Variants in RBPJ observed in about 807,000 individuals in gnomAD.
RBPJ encodes recombining binding protein suppressor of hairless.
A neutral mutation model predicts 67.8 loss-of-function variants in RBPJ; 9 were observed. That is an observed-to-expected ratio of 0.13 (90% CI 0.08 to 0.23). RBPJ has a LOEUF of 0.23. Among genes scored for constraint, RBPJ ranks in the 10% least tolerant of loss-of-function variants. The pLI, the probability that RBPJ is intolerant of heterozygous loss-of-function variation, is 1.00. For missense variants in RBPJ, 305 were observed against 595.6 expected (o/e 0.51, Z 5.08); for synonymous variants, 198 against 203.3 (o/e 0.97, Z 0.22).
chr4:26,112,400 T>A, the RBPJ span: 1 of 155,850 alleles, frequency 6.4e-6, no homozygotes, highest in Admixed American at 6.5e-5. Flanking sequence ...GTATTAGGCT[T>A]GAGAAAATTC....
intron 1 of RBPJ, among the ~76,000 whole-genome samples, chr4:26,228,935 C>T (rs1218519913): frequency 1.3e-5 from 2 of 152,182 alleles, no homozygotes; most frequent in African/African-American, 4.8e-5. Context: ...TTTCCCACCT[C>T]CATTTACTCA....
At chr4:26,167,034 G>A (rs904579145) in intron 1 of RBPJ, among the ~76,000 whole-genome samples, 2 of 152,126 alleles carry the variant, frequency 1.3e-5, no homozygotes, top group African/African-American at 4.8e-5. Context: ...GTAGATATGT[G>A]GCATTATTTC....
chr4:26,308,418 TAA>T (rs942962840), intron 1 of RBPJ, among the ~76,000 whole-genome samples: 28 of 152,360 alleles, frequency 1.8e-4, no homozygotes, highest in Admixed American at 4.6e-4. Flanking sequence ...GAAATTACCT[TAA>T]GAGACTTTTT....
chr4:26,208,409 G>T (rs540650180), intron 1 of RBPJ, among the ~76,000 whole-genome samples: 3 of 152,172 alleles, frequency 2.0e-5, no homozygotes, highest in Non-Finnish European at 2.9e-5. Context: ...TAGTGCAGAA[G>T]AGAAGGCTGA....
At chr4:26,420,751 C>T (rs1421386346) in intron 5 of RBPJ, 26 bp downstream of exon 5, 12 of 1,534,680 alleles carry the variant, frequency 7.8e-6, no homozygotes, top group South Asian at 1.3e-5. Flanking sequence ...TTATTTATCC[C>T]CAACTGCCAC....
chr4:26,244,349 GTA>G lies in RBPJ; in HGVS notation c.-167+80743_-167+80744del, dbSNP rs80301363. ...TACACATATGTGTACACATATGTGT[GTA>G]TATATATGTATGCACATATGTGTAC... On this transcript the variant is annotated intron_variant, in intron 1 of 4. Transcript: ENST00000512351. Among the ~76,000 whole-genome samples, 41 of 6,424 alleles carry G rather than the reference GTA, an allele frequency of 6.4e-3. 4 individuals are homozygous for G. Among genetic ancestry groups the G allele is most frequent in the African/African-American group, 0.018 (24 of 1,312 alleles). The allele number at this position is 6,424 out of a possible 152,430, so 4.2% of individuals were successfully genotyped here. A position where few individuals can be genotyped will look rare whatever the true frequency, so the allele number is the denominator to read the frequency against.
chr4:26,316,503 A>G (rs941497888), upstream of RBPJ, among the ~76,000 whole-genome samples: 8 of 55,350 alleles, frequency 1.4e-4, no homozygotes, highest in South Asian at 4.8e-3. Flanking sequence ...ATATATTCAT[A>G]TATATTCATA....
At chr4:26,260,827 C>T (rs1265008601) in intron 1 of RBPJ, among the ~76,000 whole-genome samples, 1 of 152,138 alleles carries the variant, frequency 6.6e-6, no homozygotes, top group Admixed American at 6.5e-5. Flanking sequence ...AAGCCTCCTT[C>T]CTCTGAACTC....
intron 1 of RBPJ, among the ~76,000 whole-genome samples, chr4:26,191,200 T>TAG (rs1717512048): frequency 1.3e-4 from 4 of 31,340 alleles, no homozygotes; most frequent in Non-Finnish European, 1.7e-4. Flanking sequence ...TATATATATA[T>TAG]ATATATATAT....
chr4:26,265,401 C>T (rs1720671626), intron 1 of RBPJ, among the ~76,000 whole-genome samples: 1 of 151,590 alleles, frequency 6.6e-6, no homozygotes, highest in Admixed American at 6.6e-5. Context: ...TGGTAGTGGG[C>T]ATCTGTAATC....
intron 1 of RBPJ, among the ~76,000 whole-genome samples, chr4:26,225,859 A>C (rs1577492470): frequency 6.6e-6 from 1 of 152,248 alleles, no homozygotes. Context: ...GGGAAAAAAA[A>C]GGAATAGGCC....
intron 1 of RBPJ, among the ~76,000 whole-genome samples, chr4:26,218,891 T>C (rs576316395): frequency 3.3e-5 from 5 of 152,168 alleles, no homozygotes; most frequent in African/African-American, 1.2e-4. Flanking sequence ...AGAAATTGAT[T>C]ACCCTGCCTC....
the RBPJ span, among the ~76,000 whole-genome samples, chr4:26,122,902 G>T: frequency 4.5e-4 from 68 of 152,288 alleles, no homozygotes; most frequent in African/African-American, 1.6e-3. Context: ...AAAGCAGATG[G>T]TGGGCCAGAT....
chr4:26,139,161 G>A, the RBPJ span, among the ~76,000 whole-genome samples: 1 of 152,236 alleles, frequency 6.6e-6, no homozygotes, highest in Non-Finnish European at 1.5e-5. Context: ...CCAATCTCTG[G>A]TTCCAACACA....
rs545920720 is a variant in RBPJ, at chr4:26,401,890, T to TC, written c.60-4285_60-4284insC. Reference sequence around the variant, plus strand: ...TTTGTTTTCTTTTTCTTTCTTTCTTTTTTTTTTTTTTTTTTGAGAGGGAGT... The same window carrying TC: ...TTTGTTTTCTTTTTCTTTCTTTCTTTCTTTTTTTTTTTTTTTGAGAGGGAGT... On this transcript the variant is annotated intron_variant, in intron 2 of 10. Coordinates refer to ENST00000355476, the MANE Select transcript of RBPJ (RefSeq NM_015874.6). 5.5e-3 allele frequency among the ~76,000 whole-genome samples: 809 copies of TC among 147,866 alleles called. 6 individuals carry two copies. Among genetic ancestry groups the TC allele is most frequent in the African/African-American group, 0.019 (760 of 40,428 alleles).
the RBPJ span, chr4:26,113,195 T>C: frequency 4.2e-6 from 1 of 236,954 alleles, no homozygotes; most frequent in Non-Finnish European, 8.7e-6. Flanking sequence ...AACTCAACTC[T>C]CTTTAAACAT....
At chr4:26,316,595 AATATAT>A (rs200472663), upstream of RBPJ, among the ~76,000 whole-genome samples, 1 of 121,480 alleles carries the variant, frequency 8.2e-6, no homozygotes, top group Non-Finnish European at 1.6e-5. Context: ...TCATATATAT[AATATAT>A]ATATACACAT....
At chr4:26,140,611 G>A in the RBPJ span, among the ~76,000 whole-genome samples, 1 of 127,784 alleles carries the variant, frequency 7.8e-6, no homozygotes, top group Non-Finnish European at 1.8e-5. Flanking sequence ...GGAAGCTCAA[G>A]CCAAAGCCGC....
intron 1 of RBPJ, among the ~76,000 whole-genome samples, chr4:26,165,605 G>A (rs9291482): frequency 0.55 from 83,098 of 151,804 alleles, 22,929 homozygotes; most frequent in South Asian, 0.68. Flanking sequence ...ATTGGACATC[G>A]TTCAAGTTCT....
Sources: allele counts gnomAD v4.1 joint callset (sites outside exome capture counted in the v4.1 genomes callset), GRCh38; gene constraint gnomAD v4.1.1; transcripts MANE v1.5; gene names NCBI Gene and HGNC (gene_info 2026-07-23, HGNC 2026-07-21).